The following C19orf25 variants were observed in gnomAD, a reference collection of about 807,000 sequenced individuals.
The protein encoded by C19orf25 is chromosome 19 open reading frame 25.
Under a neutral mutation model 3.1 loss-of-function variants are expected in C19orf25, and 1 was observed. The observed-to-expected ratio is 0.32, with a 90% confidence interval of 0.12 to 1.54. The LOEUF is 1.54. C19orf25 is among the 40% of genes most tolerant of loss of function. The pLI is 0.38. For synonymous variants in C19orf25, 91 were observed against 74.3 expected (o/e 1.23, Z -1.16); for missense variants, 196 against 160.4 (o/e 1.22, Z -1.20).
rs935742450 is a variant in C19orf25 at position 1,479,194 on chromosome 19, C to A, written c.-34G>T. On this transcript the variant is annotated 5_prime_UTR_variant, in exon 1 of 3. Coordinates refer to ENST00000585675, the MANE Select transcript of C19orf25 (RefSeq NM_152482.3). Reference sequence around the variant, plus strand: ...GCGGGACCCGAAAGCCCAGCGTCGACGACGCAGCCACTTCCGATTCCGGTC... The same window carrying A: ...GCGGGACCCGAAAGCCCAGCGTCGAAGACGCAGCCACTTCCGATTCCGGTC... 98 of 1,261,176 alleles carry A rather than the reference C, an allele frequency of 7.8e-5. No homozygotes were observed. The African/African-American group carries it at 1.2e-3, about 16-fold the overall frequency. 78.1% of individuals were successfully genotyped at this position (1,261,176 alleles called of 1,614,324 possible).
chr19:1,478,583 G>A (rs890209305), intron 2 of C19orf25, 191 bp downstream of exon 2: 22 of 1,391,714 alleles, frequency 1.6e-5, no homozygotes, highest in Middle Eastern at 1.8e-4. Flanking sequence ...CTCCACCCCT[G>A]TCAGAAGAAC....
chr19:1,473,329 C>T lies in C19orf25; in HGVS notation c.*1703G>A, dbSNP rs897774481. The stretch of plus-strand genomic sequence containing the variant: ...GTGCTGCCACAGAATTGCTGAGACC[C>T]CCCAGGTTAGATCCCTGGAAGCAGA... On this transcript the variant is annotated 3_prime_UTR_variant, in exon 3 of 3. Transcript: ENST00000585675. 6.6e-6 allele frequency: 1 copy of T among 152,262 alleles called. No homozygotes were observed. Among genetic ancestry groups the T allele is most frequent in the Non-Finnish European group, 1.5e-5 (1 of 68,064 alleles). The allele number at this position is 152,262 out of a possible 1,614,324, so 9.4% of individuals were successfully genotyped here.
chr19:1,475,939 C>T (rs2084201256), intron 2 of C19orf25: 1 of 357,388 alleles, frequency 2.8e-6, no homozygotes, highest in Non-Finnish European at 5.0e-6. Context: ...TGGCCTGGCT[C>T]TCATTCCTGC....
chr19:1,475,374 CG>C (rs1248248752), intron 2 of C19orf25, 116 bp from the exon 3 acceptor site: 3 of 1,087,682 alleles, frequency 2.8e-6, no homozygotes, highest in Non-Finnish European at 3.9e-6. Context: ...GCTTGCCAGC[CG>C]GGGTCTTCTT....
At chr19:1,476,239 A>C (rs2084204217) in intron 2 of C19orf25, 3 of 398,632 alleles carry the variant, frequency 7.5e-6, no homozygotes, top group African/African-American at 6.2e-5. Context: ...TCTCCCACGG[A>C]CGAAGGCTCC....
intron 2 of C19orf25, 135 bp downstream of exon 2, chr19:1,478,639 G>A: frequency 4.1e-6 from 6 of 1,457,042 alleles, no homozygotes; most frequent in Non-Finnish European, 5.4e-6. Context: ...AGGGAGACTC[G>A]GAGAGGATAC....
chr19:1,474,859 C>A lies in C19orf25; in HGVS notation c.*173G>T. ...GCCAGCTGGGTGGGTCCCACCAACT[C>A]GGCATGAATGAGACGACGGATGAAC... On this transcript the variant is annotated 3_prime_UTR_variant, in exon 3 of 3. Transcript: ENST00000585675. 6.8e-7 allele frequency: 1 copy of A among 1,480,352 alleles called. No homozygotes were observed. The highest frequency in any genetic ancestry group is 9.0e-7 in the Non-Finnish European group (1 of 1,115,950). 91.7% of individuals were successfully genotyped at this position (1,480,352 alleles called of 1,614,324 possible). A position where few individuals can be genotyped will look rare whatever the true frequency, so the allele number is the denominator to read the frequency against.
Position 1,475,109 on chromosome 19 carries a change from C to T in C19orf25, c.280G>A (p.Gly94Ser), listed in dbSNP as rs763118983. 42 of 1,604,516 alleles carry T rather than the reference C, an allele frequency of 2.6e-5. 1 individual carries two copies. In the South Asian group the frequency reaches 4.0e-4, roughly 15 times the overall value. The change falls in exon 3 of 3, where the codon GGC becomes AGC. Residue 94 changes from glycine to serine, a missense_variant. Transcript: ENST00000585675. ...GCCACCTCCCGCTCCAGGTCCTCGCCGGCTCGCTGCAGGAGCTCACACCTC... is the reference window on the plus strand; with the variant it reads ...GCCACCTCCCGCTCCAGGTCCTCGCTGGCTCGCTGCAGGAGCTCACACCTC... ...RQRCELLQRA[G>S]EDLEREVAQM...
At chr19:1,476,214 C>A (rs773857211) in intron 2 of C19orf25, 8 of 398,736 alleles carry the variant, frequency 2.0e-5, no homozygotes, top group Non-Finnish European at 3.1e-5. Flanking sequence ...TCTGGCCTGC[C>A]CCTCGGCAGT....
At chr19:1,478,457 A>T in intron 2 of C19orf25, 2 of 592,886 alleles carry the variant, frequency 3.4e-6, no homozygotes, top group Non-Finnish European at 5.0e-6. Flanking sequence ...CATTTTTAGC[A>T]GAGACGGGGT....
At chr19:1,478,203 C>A (rs924508907) in intron 2 of C19orf25, among the ~76,000 whole-genome samples, 6 of 152,116 alleles carry the variant, frequency 3.9e-5, no homozygotes, top group Non-Finnish European at 7.4e-5. Flanking sequence ...ACTTTAGCCT[C>A]CAAGAAGCTG....
intron 2 of C19orf25, among the ~76,000 whole-genome samples, chr19:1,476,952 C>T (rs1343002318): frequency 6.6e-6 from 1 of 151,576 alleles, no homozygotes; most frequent in African/African-American, 2.4e-5. Flanking sequence ...AAAATGTTCC[C>T]TTAGAAATTC....
At chr19:1,475,965 G>C (rs1209172051) in intron 2 of C19orf25, 2 of 378,012 alleles carry the variant, frequency 5.3e-6, no homozygotes, top group African/African-American at 4.1e-5. Flanking sequence ...CTGGAAGCCA[G>C]AGACGCAACA....
chr19:1,475,920 C>T lies in C19orf25; in HGVS notation c.131-662G>A, dbSNP rs1314679240. The T allele has an allele frequency of 3.0e-5, 10 of 336,182 alleles. No individual in the cohort carries two copies. The East Asian group carries it at 4.0e-4, about 13-fold the overall frequency. The allele number at this position is 336,182 out of a possible 1,614,324, so 20.8% of individuals were successfully genotyped here. A position where few individuals can be genotyped will look rare whatever the true frequency, so the allele number is the denominator to read the frequency against. ...GCCGTGGCACCCACCGGGATGGACT[C>T]CACTGAGCTGGCCTGGCTCTCATTC... On this transcript the variant is annotated intron_variant, in intron 2 of 2. Coordinates refer to ENST00000585675, the MANE Select transcript of C19orf25 (RefSeq NM_152482.3).
Position 1,474,026 on chromosome 19 carries a change from C to T in C19orf25, c.*1006G>A, listed in dbSNP as rs531718209. The stretch of plus-strand genomic sequence containing the variant: ...GGGTCTGGAGAGAGGGTGAGGCAGC[C>T]CCAGGTCTCTGGGTCAGGCGGACGG... On this transcript the variant is annotated 3_prime_UTR_variant, in exon 3 of 3. Transcript: ENST00000585675. The T allele has an allele frequency of 1.3e-5, 2 of 152,418 alleles. No individual in the cohort carries two copies. The highest frequency in any genetic ancestry group is 3.9e-4 in the East Asian group (2 of 5,176). The allele number at this position is 152,418 out of a possible 1,614,324, so 9.4% of individuals were successfully genotyped here.
rs1055836073 is a variant in C19orf25, at chr19:1,477,002, T to C, written c.131-1744A>G. On this transcript the variant is annotated intron_variant, in intron 2 of 2. Transcript: ENST00000585675. ...TCCACATGGCTCATTTTCTTTTTTC[T>C]TTTTTTTTTTTGTTTGAGATAGAGT... Among the ~76,000 whole-genome samples, 335 of 12,894 alleles carry C rather than the reference T, an allele frequency of 0.026. 9 individuals are homozygous for C. In the South Asian group the frequency reaches 0.3, roughly 11 times the overall value. The allele number at this position is 12,894 out of a possible 152,430, so 8.5% of individuals were successfully genotyped here.
chr19:1,475,452 G>C (rs532130919), intron 2 of C19orf25, 194 bp from the exon 3 acceptor site: 1 of 594,480 alleles, frequency 1.7e-6, no homozygotes, highest in South Asian at 2.2e-5. Context: ...AGGCCGAGGC[G>C]GGAGGAACAC....
Position 1,473,966 on chromosome 19 carries a change from A to C in C19orf25, c.*1066T>G, listed in dbSNP as rs1449951016. 2 of 152,350 alleles carry C rather than the reference A, an allele frequency of 1.3e-5. No homozygotes were observed. Among genetic ancestry groups the C allele is most frequent in the African/African-American group, 4.8e-5 (2 of 41,458 alleles). The allele number at this position is 152,350 out of a possible 1,614,324, so 9.4% of individuals were successfully genotyped here. A position where few individuals can be genotyped will look rare whatever the true frequency, so the allele number is the denominator to read the frequency against. ...GGCCCCCTTTCTTCAGGGAATAAGA[A>C]ACATCTTCCACATTCAAGAAACAAA... On this transcript the variant is annotated 3_prime_UTR_variant, in exon 3 of 3. Coordinates refer to ENST00000585675, the MANE Select transcript of C19orf25 (RefSeq NM_152482.3).
At chr19:1,478,726 C>A (rs780417992) in intron 2 of C19orf25, 48 bp downstream of exon 2, 2 of 1,536,212 alleles carry the variant, frequency 1.3e-6, no homozygotes, top group South Asian at 2.4e-5. Context: ...CGTCCCCTTG[C>A]TGCCGGGGTC....
Sources: gnomAD v4.1 joint callset for allele counts (sites outside exome capture counted in the v4.1 genomes callset) on GRCh38, gnomAD v4.1.1 for gene constraint, MANE v1.5 for transcripts, NCBI Gene and HGNC (gene_info 2026-07-23, HGNC 2026-07-21) for gene names.